The following RNLS variants were observed in gnomAD, a reference collection of about 807,000 sequenced individuals.
RNLS encodes the protein renalase.
In RNLS, 39 loss-of-function variants were observed where a neutral mutation model predicts 39.8. The observed-to-expected ratio is 0.98, with a 90% CI of 0.76 to 1.28. RNLS has a LOEUF of 1.28. Among genes scored for constraint, RNLS ranks in the 50% most tolerant of loss-of-function variants. RNLS has a pLI of 0.00. For missense variants in RNLS, 410 were observed against 413.3 expected (o/e 0.99, Z 0.07); for synonymous variants, 147 against 150.7 (o/e 0.98, Z 0.18).
intron 4 of RNLS, among the ~76,000 whole-genome samples, chr10:88,520,587 G>A (rs1846668303): frequency 6.6e-6 from 1 of 152,002 alleles, no homozygotes. Context: ...GTAAGAGGCA[G>A]GTAATCCTAT....
intron 4 of RNLS, among the ~76,000 whole-genome samples, chr10:88,457,907 G>A (rs1337741487): frequency 1.3e-5 from 2 of 152,156 alleles, no homozygotes; most frequent in African/African-American, 4.8e-5. Flanking sequence ...CCACCTGTTG[G>A]TGCCAAGCGT....
rs1848681642 is a variant in RNLS at position 88,553,178 on chromosome 10, C to T, written c.526+19725G>A. On this transcript the variant is annotated intron_variant, in intron 4 of 6. Transcript: ENST00000331772. The stretch of plus-strand genomic sequence containing the variant: ...GGAGTTCATTTTGACAATTTGTTTA[C>T]TAAGAATTGCACCAGAAAACTGCCT... Among the ~76,000 whole-genome samples, 3 of 152,134 alleles carry T rather than the reference C, an allele frequency of 2.0e-5. No homozygotes were observed. In the South Asian group the frequency reaches 6.2e-4, roughly 31 times the overall value.
At chr10:88,466,000 T>C (rs1054497008) in intron 4 of RNLS, among the ~76,000 whole-genome samples, 1 of 152,066 alleles carries the variant, frequency 6.6e-6, no homozygotes, top group Admixed American at 6.6e-5. Flanking sequence ...CACCATTGTG[T>C]AACTGGGGTT....
intron 4 of RNLS, among the ~76,000 whole-genome samples, chr10:88,433,424 C>T (rs553256868): frequency 4.6e-5 from 7 of 152,088 alleles, no homozygotes; most frequent in East Asian, 1.9e-4. Flanking sequence ...ACCCAGAGAA[C>T]GTCACTTAAC....
intron 4 of RNLS, among the ~76,000 whole-genome samples, chr10:88,426,090 G>T (rs4934404): frequency 0.69 from 105,117 of 151,936 alleles, 37,133 homozygotes; most frequent in African/African-American, 0.84. Context: ...CATTCATTTA[G>T]TTTGTTATAT....
intron 4 of RNLS, among the ~76,000 whole-genome samples, chr10:88,541,411 G>C (rs1848037287): frequency 6.6e-6 from 1 of 152,124 alleles, no homozygotes; most frequent in African/African-American, 2.4e-5. Flanking sequence ...ATTAAATGCT[G>C]AAACAGGATC....
At chr10:88,333,280 C>T (rs534397970) in intron 5 of RNLS, among the ~76,000 whole-genome samples, 1 of 152,204 alleles carries the variant, frequency 6.6e-6, no homozygotes, top group South Asian at 2.1e-4. Flanking sequence ...TTTAAAACTA[C>T]TTTTATCTGA....
At chr10:88,580,622 C>CA (rs1850481982) in intron 3 of RNLS, among the ~76,000 whole-genome samples, 1 of 151,988 alleles carries the variant, frequency 6.6e-6, no homozygotes, top group African/African-American at 2.4e-5. Flanking sequence ...GGTCCATTTT[C>CA]AAAACGCTCA....
At chr10:88,242,542 GT>G in the RNLS span, among the ~76,000 whole-genome samples, 2 of 151,782 alleles carry the variant, frequency 1.3e-5, no homozygotes, top group Admixed American at 6.6e-5. Flanking sequence ...AAAAATCTCT[GT>G]TTTTTTTCTC....
intron 4 of RNLS, among the ~76,000 whole-genome samples, chr10:88,381,991 C>CAT (rs536765942): frequency 6.6e-5 from 10 of 152,156 alleles, no homozygotes; most frequent in African/African-American, 1.2e-4. Context: ...CTCTTTCTTT[C>CAT]ATATATATAT....
At chr10:88,488,841 G>C (rs1309346584) in intron 4 of RNLS, among the ~76,000 whole-genome samples, 1 of 152,190 alleles carries the variant, frequency 6.6e-6, no homozygotes, top group Non-Finnish European at 1.5e-5. Context: ...GGTCATAGTT[G>C]CGAATGGCAA....
chr10:88,310,828 GAAAGA>G (rs1239609084), intron 6 of RNLS, among the ~76,000 whole-genome samples: 3 of 84,094 alleles, frequency 3.6e-5, no homozygotes, highest in African/African-American at 1.3e-4. Flanking sequence ...AAAAAAAAAA[GAAAGA>G]AAAGGAAGAG....
At chr10:88,341,893 A>T (rs1847983467) in intron 5 of RNLS, among the ~76,000 whole-genome samples, 1 of 152,170 alleles carries the variant, frequency 6.6e-6, no homozygotes, top group Non-Finnish European at 1.5e-5. Context: ...AATATTAGGA[A>T]ATATATTTAA....
intron 5 of RNLS, among the ~76,000 whole-genome samples, chr10:88,352,834 CT>C (rs1409270149): frequency 2.6e-5 from 4 of 152,054 alleles, no homozygotes; most frequent in Non-Finnish European, 4.4e-5. Context: ...TGGTCCTCGA[CT>C]TTTTTTGGTT....
At chr10:88,393,766 G>A (rs1232086311) in intron 4 of RNLS, among the ~76,000 whole-genome samples, 2 of 152,214 alleles carry the variant, frequency 1.3e-5, no homozygotes, top group Admixed American at 6.5e-5. Flanking sequence ...CAAAGCTGGA[G>A]GCATCACGCT....
chr10:88,226,704 CTCTCT>C, the RNLS span, among the ~76,000 whole-genome samples: 1 of 148,508 alleles, frequency 6.7e-6, no homozygotes, highest in Non-Finnish European at 1.5e-5. Context: ...CCATTTAACC[CTCTCT>C]TCTCTGAATT....
At chr10:88,288,263 A>T (rs917640524) in intron 6 of RNLS, among the ~76,000 whole-genome samples, 1 of 152,182 alleles carries the variant, frequency 6.6e-6, no homozygotes, top group African/African-American at 2.4e-5. Context: ...GTTGAGGCTC[A>T]GAAAGATTAC....
chr10:88,229,348 C>A, the RNLS span, among the ~76,000 whole-genome samples: 1 of 152,142 alleles, frequency 6.6e-6, no homozygotes, highest in East Asian at 1.9e-4. Context: ...AGTAGTTAGA[C>A]CCCTCTAATA....
chr10:88,329,839 T>A (rs972981122), intron 5 of RNLS, among the ~76,000 whole-genome samples: 9 of 151,856 alleles, frequency 5.9e-5, no homozygotes, highest in African/African-American at 1.9e-4. Flanking sequence ...TTTGTAAACG[T>A]TCTATTTGGC....
Sources: gnomAD v4.1 joint callset for allele counts (sites outside exome capture counted in the v4.1 genomes callset) on GRCh38, gnomAD v4.1.1 for gene constraint, MANE v1.5 for transcripts, NCBI Gene and HGNC (gene_info 2026-07-23, HGNC 2026-07-21) for gene names.